NCAPD3: variants seen among roughly 807,000 people sequenced by gnomAD.
The protein encoded by NCAPD3 is condensin-2 complex subunit D3.
NCAPD3 carries 105 observed loss-of-function variants against 182.9 expected under a neutral mutation model. The ratio of observed to expected loss-of-function variants is 0.57; its 90% CI spans 0.49 to 0.68. The LOEUF (loss-of-function observed/expected upper bound fraction) is 0.68. NCAPD3 is among the 30% of genes least tolerant of loss of function. The pLI, the probability that NCAPD3 is intolerant of heterozygous loss-of-function variation, is 0.00. For missense variants in NCAPD3, 1,944 were observed against 1,837.0 expected (o/e 1.06, Z -1.07); for synonymous variants, 815 against 679.9 (o/e 1.20, Z -3.09).
Position 134,178,919 on chromosome 11 carries a change from G to C in NCAPD3, c.2577C>G (p.Thr859=), listed in dbSNP as rs1037602832. The change falls in exon 21 of 35, where the codon ACC becomes ACG. Residue 859 remains threonine (T), a synonymous_variant. Coordinates refer to ENST00000534548, the MANE Select transcript of NCAPD3 (RefSeq NM_015261.3). ...GACACAGCTGGGCTATATCCCCTAAGGTAAAAATGTACTTCACCTACAAAG... is the reference window on the plus strand; with the variant it reads ...GACACAGCTGGGCTATATCCCCTAACGTAAAAATGTACTTCACCTACAAAG... ...DEDLLVKYIF[T]LGDIAQLCPA... 1.2e-6 allele frequency: 2 copies of C among 1,613,198 alleles called. No individual in the cohort carries two copies. Among genetic ancestry groups the C allele is most frequent in the African/African-American group, 2.7e-5 (2 of 74,814 alleles).
rs989741572 is a variant in NCAPD3 at position 134,194,646 on chromosome 11, G to A, written c.1689+19C>T. ...GTTTTTAGTGCTTAAAAAAAAAAAT[G>A]TGCAGAGAAAACTCCCACCTGCAGT... On this transcript the variant is annotated intron_variant, in intron 14 of 34. Coordinates refer to ENST00000534548, the MANE Select transcript of NCAPD3 (RefSeq NM_015261.3). The A allele has an allele frequency of 3.3e-6, 5 of 1,522,910 alleles. No homozygotes were observed. The highest frequency in any genetic ancestry group is 1.2e-5 in the South Asian group (1 of 82,100). The allele number at this position is 1,522,910 out of a possible 1,614,324, so 94.3% of individuals were successfully genotyped here.
intron 27 of NCAPD3, among the ~76,000 whole-genome samples, chr11:134,163,726 G>C (rs1337779781): frequency 1.4e-5 from 2 of 138,854 alleles, no homozygotes; most frequent in Non-Finnish European, 3.1e-5. Context: ...AAAAAAGTTA[G>C]CCAGGCACAG....
chr11:134,216,948 G>A lies in NCAPD3; in HGVS notation c.370C>T (p.Leu124=). The A allele has an allele frequency of 6.2e-7, 1 of 1,610,624 alleles. No individual in the cohort carries two copies. Among genetic ancestry groups the A allele is most frequent in the Non-Finnish European group, 8.5e-7 (1 of 1,179,022 alleles). ...CAGGTCTACATACCTGGTACTTCTAGTAGCAAAAAGTAAAGCCCAGCGGCA... is the reference window on the plus strand; with the variant it reads ...CAGGTCTACATACCTGGTACTTCTAATAGCAAAAAGTAAAGCCCAGCGGCA... The part of the protein sequence containing the change: ...LHAAGLYFLL[L]EVPGSVANQV... Residue 124 remains leucine, a synonymous_variant, in exon 3 of 35, where the codon CTA becomes TTA. Coordinates refer to ENST00000534548, the MANE Select transcript of NCAPD3 (RefSeq NM_015261.3).
intron 27 of NCAPD3, among the ~76,000 whole-genome samples, chr11:134,164,323 G>T (rs632858): frequency 0.44 from 66,755 of 152,110 alleles, 16,890 homozygotes; most frequent in African/African-American, 0.71. Context: ...GATGACTGAG[G>T]GAGTTTTGAC....
At chr11:134,195,137 G>T (rs1438135692) in intron 13 of NCAPD3, among the ~76,000 whole-genome samples, 10 of 152,180 alleles carry the variant, frequency 6.6e-5, no homozygotes. Flanking sequence ...GTCTCATTCT[G>T]TCACCCAGGG....
At chr11:134,207,742 C>CAAAAAAAAAAAAAAAAAAAAAAAAA (rs34965902) in intron 7 of NCAPD3, among the ~76,000 whole-genome samples, 1 of 62,102 alleles carries the variant, frequency 1.6e-5, no homozygotes, top group Non-Finnish European at 3.1e-5. Context: ...GACTGCGTCT[C>CAAAAAAAAAAAAAAAAAAAAAAAAA]AAAAAAAAAA....
At chr11:134,168,220 C>T (rs749203744) in intron 26 of NCAPD3, 25 bp from the exon 27 acceptor site, 6 of 1,603,180 alleles carry the variant, frequency 3.7e-6, no homozygotes, top group Non-Finnish European at 5.1e-6. Flanking sequence ...GAGAGAAAAA[C>T]GTGAGCTTCT....
upstream of NCAPD3, chr11:134,224,466 TGCGCG>T (rs1397721605): frequency 1.3e-5 from 2 of 155,526 alleles, no homozygotes; most frequent in African/African-American, 4.8e-5. Flanking sequence ...CTGTAGGGAC[TGCGCG>T]GCACGCGTGG....
At chr11:134,198,173 T>A (rs1322860611) in intron 13 of NCAPD3, among the ~76,000 whole-genome samples, 1 of 152,280 alleles carries the variant, frequency 6.6e-6, no homozygotes, top group East Asian at 1.9e-4. Context: ...AGCATTAACA[T>A]CAACACAGTC....
intron 16 of NCAPD3, 111 bp from the exon 17 acceptor site, chr11:134,185,637 G>T: frequency 1.2e-6 from 1 of 828,966 alleles, no homozygotes; most frequent in Non-Finnish European, 1.8e-6. Flanking sequence ...GGACTCAAGT[G>T]GCACATGAAA....
chr11:134,194,738 T>C lies in NCAPD3; in HGVS notation c.1616A>G (p.Glu539Gly). The C allele has an allele frequency of 1.2e-6, 2 of 1,600,444 alleles. No homozygotes were observed. Among genetic ancestry groups the C allele is most frequent in the Non-Finnish European group, 1.7e-6 (2 of 1,172,694 alleles). Residue 539 changes from glutamate (E) to glycine (G), a missense_variant and splice_region_variant, in exon 14 of 35, where the codon GAA becomes GGA. By Grantham distance (98) the Glu-to-Gly change is moderately conservative. Around this residue, in one of 3 missense-constraint regions of NCAPD3, gnomAD observed 1,803 missense variants for 1,674.6 expected, o/e 1.08. Coordinates refer to ENST00000534548, the MANE Select transcript of NCAPD3 (RefSeq NM_015261.3). ...DSSGETVGSG[E>G]RCVMAMLRRR... ...TCTCAGCATTGCCATGACACATCTT[T>C]CTGTAGAGGGAATACCAAAGGGTCA...
intron 8 of NCAPD3, among the ~76,000 whole-genome samples, chr11:134,205,361 C>T (rs1324005027): frequency 6.6e-6 from 1 of 151,908 alleles, no homozygotes; most frequent in African/African-American, 2.4e-5. Context: ...CTTCTCCAAA[C>T]TTTAACCCAA....
intron 24 of NCAPD3, among the ~76,000 whole-genome samples, chr11:134,170,795 G>A (rs991403277): frequency 6.6e-6 from 1 of 152,222 alleles, no homozygotes. Context: ...ACACGCTGAG[G>A]GCTGAAAATG....
intron 15 of NCAPD3, among the ~76,000 whole-genome samples, chr11:134,193,659 A>T (rs1310168736): frequency 6.6e-6 from 1 of 152,202 alleles, no homozygotes; most frequent in African/African-American, 2.4e-5. Context: ...AGGCTGAGGC[A>T]GGAGAGTTGC....
intron 28 of NCAPD3, among the ~76,000 whole-genome samples, chr11:134,160,772 C>T (rs187267109): frequency 5.9e-5 from 9 of 152,068 alleles, no homozygotes; most frequent in Non-Finnish European, 1.3e-4. Flanking sequence ...AGAAGGAATC[C>T]ATGCACTTTT....
chr11:134,185,999 C>T (rs950573936), intron 16 of NCAPD3: 2 of 151,950 alleles, frequency 1.3e-5, no homozygotes, highest in Non-Finnish European at 2.9e-5. Context: ...GCTCCACCTC[C>T]CGGGTTCACA....
At chr11:134,170,909 C>A (rs1943991466) in intron 24 of NCAPD3, among the ~76,000 whole-genome samples, 1 of 152,326 alleles carries the variant, frequency 6.6e-6, no homozygotes, top group South Asian at 2.1e-4. Flanking sequence ...ATTAAGAGGG[C>A]AAGTTTCAGC....
intron 19 of NCAPD3, 135 bp downstream of exon 19, chr11:134,184,502 T>A (rs1276229958): frequency 1.6e-6 from 1 of 612,880 alleles, no homozygotes; most frequent in African/African-American, 1.9e-5. Flanking sequence ...CCTTGCCTTG[T>A]TGCGGCAATA....
At chr11:134,224,200 A>C (rs1372518540), upstream of NCAPD3, 1 of 553,162 alleles carries the variant, frequency 1.8e-6, no homozygotes, top group African/African-American at 1.9e-5. Flanking sequence ...GTTAAACCCT[A>C]ACAGCGTTTT....
Sources: allele counts gnomAD v4.1 joint callset (sites outside exome capture counted in the v4.1 genomes callset), GRCh38; gene constraint gnomAD v4.1.1; regional missense constraint gnomAD v4.1.1; transcripts MANE v1.5; gene names NCBI Gene and HGNC (gene_info 2026-07-23, HGNC 2026-07-21).